ENTPD6: variants seen among roughly 807,000 people sequenced by gnomAD.
ENTPD6 encodes the protein ectonucleoside triphosphate diphosphohydrolase 6.
Under a neutral mutation model 61.5 loss-of-function variants are expected in ENTPD6, and 46 were observed. That is an observed-to-expected ratio of 0.75 (90% CI 0.59 to 0.96). The LOEUF (loss-of-function observed/expected upper bound fraction) is 0.96. ENTPD6 is among the 40% of genes least tolerant of loss of function. ENTPD6 has a pLI of 0.00. For synonymous variants in ENTPD6, 252 were observed against 255.5 expected (o/e 0.99, Z 0.13); for missense variants, 612 against 629.0 (o/e 0.97, Z 0.29).
intron 1 of ENTPD6, among the ~76,000 whole-genome samples, chr20:25,203,577 T>G (rs182869491): frequency 3.3e-5 from 5 of 152,364 alleles, no homozygotes; most frequent in Admixed American, 3.3e-4. Context: ...ATTTCTCAGC[T>G]CCACAATTTC....
chr20:25,202,089 T>C (rs1484737579), intron 1 of ENTPD6, among the ~76,000 whole-genome samples: 4 of 152,226 alleles, frequency 2.6e-5, no homozygotes, highest in Non-Finnish European at 5.9e-5. Flanking sequence ...AAAATGTTAT[T>C]ATAATAAGAA....
Position 25,207,125 on chromosome 20 carries a change from A to C in ENTPD6, c.104A>C (p.His35Pro), listed in dbSNP as rs1274490901. The change falls in exon 3 of 15, where the codon CAC (histidine) becomes CCC (proline). Residue 35 changes from histidine to proline, a missense_variant. His to Pro is a moderately conservative substitution (Grantham distance 77, BLOSUM62 -2). Coordinates refer to ENST00000376652, the MANE Select transcript of ENTPD6 (RefSeq NM_001247.5). ...WQTRMRKISNHGSLRVAKVAY... is the reference protein window; with the variant it reads ...WQTRMRKISNPGSLRVAKVAY... Reference sequence around the variant, plus strand: ...ACAAGGATGAGAAAAATATCCAACCACGGGAGCCTGCGGGTGGCGAAGGTG... The same window carrying C: ...ACAAGGATGAGAAAAATATCCAACCCCGGGAGCCTGCGGGTGGCGAAGGTG... 1.9e-6 allele frequency: 3 copies of C among 1,613,678 alleles called. No homozygotes were observed. The highest frequency in any genetic ancestry group is 2.5e-6 in the Non-Finnish European group (3 of 1,179,720).
intron 1 of ENTPD6, among the ~76,000 whole-genome samples, chr20:25,204,535 G>T (rs908874229): frequency 6.6e-6 from 1 of 151,950 alleles, no homozygotes; most frequent in Admixed American, 6.6e-5. Context: ...GGCCTCAGAT[G>T]TTCTACTGTA....
At chr20:25,196,083 C>A in intron 1 of ENTPD6, 1 of 1,042,884 alleles carries the variant, frequency 9.6e-7, no homozygotes, top group Non-Finnish European at 1.2e-6. Context: ...TGTTTTGGGC[C>A]ACAGGGCGGG....
chr20:25,213,557 G>T, intron 5 of ENTPD6, 151 bp downstream of exon 5: 1 of 710,018 alleles, frequency 1.4e-6, no homozygotes, highest in Non-Finnish European at 2.3e-6. Flanking sequence ...GTGGAGGGAT[G>T]GTGGGCAGAT....
Position 25,225,327 on chromosome 20 carries a change from C to T in ENTPD6, c.1356+10C>T. Reference sequence around the variant, plus strand: ...GAGCAAAGTGCTGAAGGTAAGGGTGCCCTCAGGTCACGCCCCAGCCCCTTT... The same window carrying T: ...GAGCAAAGTGCTGAAGGTAAGGGTGTCCTCAGGTCACGCCCCAGCCCCTTT... On this transcript the variant is annotated intron_variant, in intron 14 of 14. Transcript: ENST00000376652. 1 of 1,612,286 alleles carries T rather than the reference C, an allele frequency of 6.2e-7. No homozygotes were observed. Among genetic ancestry groups the T allele is most frequent in the Non-Finnish European group, 8.5e-7 (1 of 1,179,768 alleles).
rs1568637106 is a variant in ENTPD6 at position 25,217,527 on chromosome 20, G to C, written c.824G>C (p.Gly275Ala). The C allele has an allele frequency of 6.2e-7, 1 of 1,614,122 alleles. No individual in the cohort carries two copies. The highest frequency in any genetic ancestry group is 1.1e-5 in the South Asian group (1 of 91,090). Residue 275 changes from glycine to alanine, a missense_variant, in exon 9 of 15, where the codon GGC becomes GCC. By Grantham distance (60) the Gly-to-Ala change is moderately conservative (BLOSUM62 0). Transcript: ENST00000376652. The stretch of plus-strand genomic sequence containing the variant: ...GGCACCCTGCAGGCCTCCCCACCCG[G>C]CTACCTGACGGCACTGCGGATGTTT... The part of the protein sequence containing the change: ...VEGTLQASPP[G>A]YLTALRMFNR...
chr20:25,218,515 T>C (rs2092466000), intron 9 of ENTPD6, 35 bp from the exon 10 acceptor site: 3 of 1,579,860 alleles, frequency 1.9e-6, no homozygotes, highest in Admixed American at 1.8e-5. Context: ...GTACCTGCCA[T>C]GGCAGCTGCC....
At chr20:25,206,430 A>G (rs2091506155) in intron 1 of ENTPD6, 92 bp from the exon 2 acceptor site, 2 of 1,021,526 alleles carry the variant, frequency 2.0e-6, no homozygotes, top group South Asian at 2.7e-5. Flanking sequence ...ATATCGAACC[A>G]AAAACAATGG....
In ENTPD6 at chr20:25,206,375, A is replaced by G. The variant is rs1171017259; in HGVS notation, c.-15-147A>G. 8 of 624,062 alleles carry G rather than the reference A, an allele frequency of 1.3e-5. No homozygotes were observed. The Admixed American group carries it at 1.5e-4, about 12-fold the overall frequency. The allele number at this position is 624,062 out of a possible 1,614,324, so 38.7% of individuals were successfully genotyped here. A position where few individuals can be genotyped will look rare whatever the true frequency, so the allele number is the denominator to read the frequency against. ...CTCAGGTTCCCACATGCTGCCTCGC[A>G]CTGGAGCAGCCAATGAAACTTGAAC... On this transcript the variant is annotated intron_variant, in intron 1 of 14. Transcript: ENST00000376652.
In ENTPD6 at chr20:25,213,329, G is replaced by A. The variant is rs1245064534; in HGVS notation, c.520G>A (p.Ala174Thr). ...KQDIPFDFWK[A>T]TPLVLKATAG... The stretch of plus-strand genomic sequence containing the variant: ...GGACATTCCGTTCGACTTCTGGAAG[G>A]CCACCCCTCTGGTCCTCAAGGCCAC... The change falls in exon 5 of 15, where the codon GCC becomes ACC. Residue 174 changes from alanine (A) to threonine (T), a missense_variant. Coordinates refer to ENST00000376652, the MANE Select transcript of ENTPD6 (RefSeq NM_001247.5). The A allele has an allele frequency of 6.2e-7, 1 of 1,614,088 alleles. No individual in the cohort carries two copies. Among genetic ancestry groups the A allele is most frequent in the African/African-American group, 1.3e-5 (1 of 74,918 alleles).
At chr20:25,210,617 G>A (rs570235828) in intron 4 of ENTPD6, among the ~76,000 whole-genome samples, 1 of 152,222 alleles carries the variant, frequency 6.6e-6, no homozygotes, top group East Asian at 1.9e-4. Context: ...AGGTGACAGA[G>A]TGAGACCTTA....
chr20:25,216,827 G>A, intron 8 of ENTPD6, 91 bp downstream of exon 8: 1 of 892,240 alleles, frequency 1.1e-6, no homozygotes. Flanking sequence ...GTGCTGCGGG[G>A]TGGGGTGGGG....
At chr20:25,205,391 A>C (rs1033787261) in intron 1 of ENTPD6, among the ~76,000 whole-genome samples, 3 of 152,124 alleles carry the variant, frequency 2.0e-5, no homozygotes, top group Admixed American at 6.5e-5. Context: ...GGGAATGCGT[A>C]TCAGTCTGTG....
Position 25,227,427 on chromosome 20 carries a change from G to C in ENTPD6, c.*1830G>C, listed in dbSNP as rs149896848. Among the ~76,000 whole-genome samples, 603 of 152,262 alleles carry C rather than the reference G, an allele frequency of 4.0e-3. 8 individuals are homozygous for C. Among genetic ancestry groups the C allele is most frequent in the African/African-American group, 0.014 (575 of 41,546 alleles). Reference sequence around the variant, plus strand: ...AAAGAAGGTCGGTGACCTCATGCCTGAAAAAGGCAAACAACTGGAAGTTTT... The same window carrying C: ...AAAGAAGGTCGGTGACCTCATGCCTCAAAAAGGCAAACAACTGGAAGTTTT... On this transcript the variant is annotated 3_prime_UTR_variant, in exon 15 of 15. Coordinates refer to ENST00000376652, the MANE Select transcript of ENTPD6 (RefSeq NM_001247.5).
At chr20:25,223,465 T>C (rs1020139032) in intron 12 of ENTPD6, among the ~76,000 whole-genome samples, 2 of 152,188 alleles carry the variant, frequency 1.3e-5, no homozygotes, top group African/African-American at 4.8e-5. Flanking sequence ...GTGTGGGAAC[T>C]CTGGAGGGGG....
chr20:25,197,129 ATGACCCTTCCGTGTACT>A, intron 1 of ENTPD6: 1 of 985,434 alleles, frequency 1.0e-6, no homozygotes, highest in Non-Finnish European at 1.2e-6. Flanking sequence ...ATTTGCATTC[ATGACCCTTCCGTGTACT>A]TGAACTGAAA....
intron 1 of ENTPD6, among the ~76,000 whole-genome samples, chr20:25,196,525 T>C (rs989995341): frequency 6.6e-6 from 1 of 152,152 alleles, no homozygotes; most frequent in Non-Finnish European, 1.5e-5. Flanking sequence ...GTTTTTATTA[T>C]AAGTGCACCT....
intron 1 of ENTPD6, among the ~76,000 whole-genome samples, chr20:25,199,251 G>C (rs979331264): frequency 6.6e-6 from 1 of 152,202 alleles, no homozygotes; most frequent in Non-Finnish European, 1.5e-5. Context: ...CAGCACAAGG[G>C]AGGAGCTCCG....
Sources: gnomAD v4.1 joint callset for allele counts (sites outside exome capture counted in the v4.1 genomes callset) on GRCh38, gnomAD v4.1.1 for gene constraint, MANE v1.5 for transcripts, NCBI Gene and HGNC (gene_info 2026-07-23, HGNC 2026-07-21) for gene names.